Variants in TAS2R1 observed in about 807,000 individuals in gnomAD.
TAS2R1 encodes taste 2 receptor member 1.
For synonymous variants in TAS2R1, 141 were observed against 134.2 expected (o/e 1.05, Z -0.35); for missense variants, 370 against 353.4 (o/e 1.05, Z -0.38).
the TAS2R1 span, among the ~76,000 whole-genome samples, chr5:9,804,175 T>C: frequency 6.6e-6 from 1 of 152,164 alleles, no homozygotes; most frequent in Non-Finnish European, 1.5e-5. Flanking sequence ...AAAGGACTAA[T>C]GCAACAGGAA....
chr5:9,857,939 C>T, the TAS2R1 span, among the ~76,000 whole-genome samples: 1 of 152,104 alleles, frequency 6.6e-6, no homozygotes, highest in Non-Finnish European at 1.5e-5. Flanking sequence ...GACCCTGGTG[C>T]CTGGGTCTGC....
chr5:9,667,686 A>C (rs16883347), intron 1 of TAS2R1, among the ~76,000 whole-genome samples: 28,346 of 152,140 alleles, frequency 0.19, 2,787 homozygotes, highest in Admixed American at 0.28. Context: ...CCCAGGAGTG[A>C]ACTAAAATTG....
chr5:9,686,886 T>C (rs915618882), intron 1 of TAS2R1, among the ~76,000 whole-genome samples: 4 of 152,250 alleles, frequency 2.6e-5, no homozygotes, highest in Non-Finnish European at 5.9e-5. Flanking sequence ...AAAATGACTA[T>C]AGAAGTGAAA....
the TAS2R1 span, chr5:9,869,969 TTTTA>T: frequency 1.3e-5 from 2 of 152,236 alleles, no homozygotes; most frequent in African/African-American, 2.4e-5. Flanking sequence ...TTACTTGACC[TTTTA>T]TTTATTTGTT....
At chr5:9,897,234 A>T in the TAS2R1 span, among the ~76,000 whole-genome samples, 1 of 152,164 alleles carries the variant, frequency 6.6e-6, no homozygotes, top group South Asian at 2.1e-4. Flanking sequence ...GTAGATCACA[A>T]GGTCAGGAGT....
the TAS2R1 span, among the ~76,000 whole-genome samples, chr5:9,717,958 TTTTTA>T: frequency 2.0e-5 from 3 of 152,136 alleles, no homozygotes; most frequent in Admixed American, 6.5e-5. Flanking sequence ...AGTAAATTTC[TTTTTA>T]TTTTATTTTT....
chr5:9,734,676 G>A, the TAS2R1 span, among the ~76,000 whole-genome samples: 2 of 152,056 alleles, frequency 1.3e-5, no homozygotes, highest in Non-Finnish European at 2.9e-5. Context: ...AATCCCTACA[G>A]TAATCCTAGA....
the TAS2R1 span, among the ~76,000 whole-genome samples, chr5:9,879,515 C>T: frequency 8.5e-5 from 13 of 152,310 alleles, no homozygotes; most frequent in African/African-American, 2.6e-4. Flanking sequence ...CTGTCCTTTC[C>T]AACTATCATT....
chr5:9,840,640 C>T, the TAS2R1 span, among the ~76,000 whole-genome samples: 5 of 151,832 alleles, frequency 3.3e-5, no homozygotes, highest in Non-Finnish European at 7.4e-5. Context: ...TTTGTACAGT[C>T]AATGTTCATT....
At chr5:9,739,738 T>G in the TAS2R1 span, among the ~76,000 whole-genome samples, 1 of 152,214 alleles carries the variant, frequency 6.6e-6, no homozygotes, top group Non-Finnish European at 1.5e-5. Context: ...TGATGCTCCT[T>G]CTTTTAAAGC....
intron 1 of TAS2R1, among the ~76,000 whole-genome samples, chr5:9,682,224 A>C (rs1741008128): frequency 6.6e-6 from 1 of 152,232 alleles, no homozygotes. Context: ...AAGGGTCAGA[A>C]AGATGATGTA....
the TAS2R1 span, among the ~76,000 whole-genome samples, chr5:9,859,227 C>T: frequency 4.8e-3 from 731 of 152,236 alleles, 3 homozygotes; most frequent in African/African-American, 0.016. Context: ...TTATCTAACA[C>T]GAACTGGAAT....
chr5:9,809,977 T>G, the TAS2R1 span, among the ~76,000 whole-genome samples: 18 of 152,228 alleles, frequency 1.2e-4, no homozygotes, highest in African/African-American at 4.3e-4. Flanking sequence ...GGTCATCAAC[T>G]TTACATGGAA....
At chr5:9,712,058 G>C (rs1362441483) in intron 1 of TAS2R1, 1 of 126,240 alleles carries the variant, frequency 7.9e-6, no homozygotes, top group Non-Finnish European at 1.7e-5. Flanking sequence ...GAGGGAGGGA[G>C]GGAATAGAAA....
chr5:9,653,272 T>C (rs957750775), intron 2 of TAS2R1, among the ~76,000 whole-genome samples: 1 of 152,216 alleles, frequency 6.6e-6, no homozygotes, highest in African/African-American at 2.4e-5. Flanking sequence ...CCTTCCTTTT[T>C]ATCACCCACG....
chr5:9,756,270 A>C, the TAS2R1 span, among the ~76,000 whole-genome samples: 1 of 152,200 alleles, frequency 6.6e-6, no homozygotes, highest in Non-Finnish European at 1.5e-5. Context: ...TCAGAGTAAA[A>C]CAAAAATTAT....
At chr5:9,738,115 C>T in the TAS2R1 span, among the ~76,000 whole-genome samples, 1 of 152,230 alleles carries the variant, frequency 6.6e-6, no homozygotes, top group South Asian at 2.1e-4. Flanking sequence ...CCCTCAAACA[C>T]ACCCACTATT....
At chr5:9,631,084 C>G (rs992321494), upstream of TAS2R1, among the ~76,000 whole-genome samples, 4 of 152,136 alleles carry the variant, frequency 2.6e-5, no homozygotes, top group African/African-American at 9.7e-5. Flanking sequence ...CCTCCCCAGG[C>G]TGTAACAGCC....
chr5:9,894,857 AGGTT>A, the TAS2R1 span, among the ~76,000 whole-genome samples: 1 of 152,238 alleles, frequency 6.6e-6, no homozygotes, highest in Non-Finnish European at 1.5e-5. Context: ...TACAAAGCAA[AGGTT>A]GCCTTATACC....
Sources: gnomAD v4.1 joint callset for allele counts (sites outside exome capture counted in the v4.1 genomes callset) on GRCh38, gnomAD v4.1.1 for gene constraint, MANE v1.5 for transcripts, NCBI Gene and HGNC (gene_info 2026-07-23, HGNC 2026-07-21) for gene names.